KIAA1328: variants seen among roughly 807,000 people sequenced by gnomAD.
KIAA1328 encodes the protein protein hinderin.
KIAA1328 carries 52 observed loss-of-function variants against 68.1 expected under a neutral mutation model. The observed-to-expected ratio is 0.76, with a 90% CI of 0.61 to 0.96. The LOEUF is 0.96. KIAA1328 is among the 40% of genes least tolerant of loss of function. The pLI, the probability that KIAA1328 is intolerant of heterozygous loss-of-function variation, is 0.00. For synonymous variants in KIAA1328, 232 were observed against 239.4 expected (o/e 0.97, Z 0.28); for missense variants, 641 against 677.6 (o/e 0.95, Z 0.60).
intron 9 of KIAA1328, among the ~76,000 whole-genome samples, chr18:37,181,907 TA>T (rs1228562399): frequency 2.0e-5 from 3 of 152,222 alleles, no homozygotes; most frequent in South Asian, 2.1e-4. Flanking sequence ...AACACATTTA[TA>T]GGGGACAAAC....
intron 6 of KIAA1328, among the ~76,000 whole-genome samples, chr18:37,057,944 G>A (rs1021758635): frequency 3.9e-5 from 6 of 152,162 alleles, no homozygotes; most frequent in Non-Finnish European, 2.9e-5. Flanking sequence ...AGTTGCACTT[G>A]GCTGAGGCCA....
chr18:37,060,013 TG>T, intron 6 of KIAA1328, among the ~76,000 whole-genome samples: 1 of 107,532 alleles, frequency 9.3e-6, no homozygotes, highest in African/African-American at 3.7e-5. Context: ...TGTTGGGGGA[TG>T]GGGGGCTAGG....
At chr18:37,201,631 C>T (rs1001033914) in intron 9 of KIAA1328, among the ~76,000 whole-genome samples, 1 of 152,130 alleles carries the variant, frequency 6.6e-6, no homozygotes, top group African/African-American at 2.4e-5. Flanking sequence ...TTTAAGTTGG[C>T]TTTACTGGAA....
At chr18:36,968,323 C>A (rs1229622762) in intron 6 of KIAA1328, among the ~76,000 whole-genome samples, 2 of 152,126 alleles carry the variant, frequency 1.3e-5, no homozygotes, top group Non-Finnish European at 2.9e-5. Flanking sequence ...CACAGAGTAG[C>A]AAACTGAATG....
chr18:37,085,930 C>T (rs2057089788), intron 7 of KIAA1328, among the ~76,000 whole-genome samples: 1 of 152,068 alleles, frequency 6.6e-6, no homozygotes, highest in African/African-American at 2.4e-5. Context: ...ATATTTTATG[C>T]ACAGCTGAAC....
At chr18:37,051,084 A>G (rs1193218613) in intron 6 of KIAA1328, among the ~76,000 whole-genome samples, 4 of 152,202 alleles carry the variant, frequency 2.6e-5, no homozygotes. Context: ...TTGACCCTAC[A>G]TTGAGTATTC....
Position 37,224,717 on chromosome 18 carries a change from C to A in KIAA1328, c.*2490C>A. On this transcript the variant is annotated 3_prime_UTR_variant, in exon 10 of 10. Transcript: ENST00000280020. ...TCTGCCTTTCCTCCGTCTCAAGTCT[C>A]CCACCCTTGACTGGTTGGGATTTGC... The A allele has an allele frequency of 1.0e-6, 1 of 985,408 alleles. No homozygotes were observed. The highest frequency in any genetic ancestry group is 1.2e-6 in the Non-Finnish European group (1 of 829,924). 61.0% of individuals were successfully genotyped at this position (985,408 alleles called of 1,614,324 possible).
rs1191359650 is a variant in KIAA1328, at chr18:37,075,809, A to G, written c.1232+8264A>G. ...TATCCTAAATATATATGCACCCAATACAGGAGCACCCAGATTCATAAAGCA... is the reference window on the plus strand; with the variant it reads ...TATCCTAAATATATATGCACCCAATGCAGGAGCACCCAGATTCATAAAGCA... On this transcript the variant is annotated intron_variant, in intron 7 of 9. Transcript: ENST00000280020. 5.9e-5 allele frequency among the ~76,000 whole-genome samples: 9 copies of G among 152,342 alleles called. No homozygotes were observed. The East Asian group carries it at 1.7e-3, about 29-fold the overall frequency.
chr18:37,194,949 C>T (rs549852453), intron 9 of KIAA1328, among the ~76,000 whole-genome samples: 6 of 152,266 alleles, frequency 3.9e-5, no homozygotes, highest in Admixed American at 6.5e-5. Flanking sequence ...TGAGCCACTG[C>T]GCCCAGCCTA....
chr18:37,113,811 A>G (rs905731293), intron 7 of KIAA1328, among the ~76,000 whole-genome samples: 3 of 152,194 alleles, frequency 2.0e-5, no homozygotes, highest in African/African-American at 7.2e-5. Flanking sequence ...GGGATGGAGG[A>G]AGATCTACCA....
At chr18:36,903,573 G>A (rs2049111826) in intron 5 of KIAA1328, 1 of 152,076 alleles carries the variant, frequency 6.6e-6, no homozygotes, top group African/African-American at 2.4e-5. Flanking sequence ...CTCTGCTAAG[G>A]CAGGTAGAGA....
At chr18:36,959,571 T>TTGA (rs2051571326) in intron 6 of KIAA1328, 136 bp downstream of exon 6, 3 of 929,036 alleles carry the variant, frequency 3.2e-6, no homozygotes, top group Non-Finnish European at 4.8e-6. Flanking sequence ...TGTGATTGAG[T>TTGA]TGATGTCTTT....
chr18:36,835,421 T>C (rs1386991438), intron 3 of KIAA1328, 45 bp downstream of exon 3: 1 of 1,572,194 alleles, frequency 6.4e-7, no homozygotes, highest in Admixed American at 1.8e-5. Flanking sequence ...CTCCAGTCTT[T>C]ATGAGTGCTG....
At chr18:37,151,341 A>AT (rs1568469610) in intron 7 of KIAA1328, among the ~76,000 whole-genome samples, 2 of 152,092 alleles carry the variant, frequency 1.3e-5, no homozygotes, top group African/African-American at 2.4e-5. Context: ...AAATATCAAA[A>AT]TTTTTTTCCA....
intron 6 of KIAA1328, among the ~76,000 whole-genome samples, chr18:37,002,533 TCTA>T (rs1303207065): frequency 6.6e-6 from 1 of 150,976 alleles, no homozygotes; most frequent in East Asian, 1.9e-4. Context: ...GCAGTAATGA[TCTA>T]GTATACTAGT....
chr18:37,039,448 C>G (rs755024020), intron 6 of KIAA1328, among the ~76,000 whole-genome samples: 1 of 150,292 alleles, frequency 6.7e-6, no homozygotes, highest in Non-Finnish European at 1.5e-5. Context: ...GAATCTCGCT[C>G]TGTTGCCAGG....
intron 5 of KIAA1328, among the ~76,000 whole-genome samples, chr18:36,956,096 T>C (rs1056706504): frequency 1.3e-5 from 2 of 152,226 alleles, no homozygotes; most frequent in East Asian, 1.9e-4. Flanking sequence ...CTTTTACTTA[T>C]CTATCTAATG....
chr18:36,933,027 C>CT (rs1056889615), intron 5 of KIAA1328, among the ~76,000 whole-genome samples: 2 of 152,018 alleles, frequency 1.3e-5, no homozygotes, highest in Admixed American at 6.6e-5. Context: ...AAGAGACTTT[C>CT]TTTTTTTGCC....
At chr18:37,049,644 A>C (rs1037599079) in intron 6 of KIAA1328, among the ~76,000 whole-genome samples, 1 of 152,146 alleles carries the variant, frequency 6.6e-6, no homozygotes, top group Non-Finnish European at 1.5e-5. Flanking sequence ...CTTCTCACTC[A>C]GTCTCTTTAA....
Sources: gnomAD v4.1 joint callset for allele counts (sites outside exome capture counted in the v4.1 genomes callset) on GRCh38, gnomAD v4.1.1 for gene constraint, MANE v1.5 for transcripts, NCBI Gene and HGNC (gene_info 2026-07-23, HGNC 2026-07-21) for gene names.